Variants in AR observed in about 807,000 individuals in gnomAD.
AR encodes dihydrotestosterone receptor.
AR carries 8 observed loss-of-function variants against 53.9 expected under a neutral mutation model. That is an observed-to-expected ratio of 0.15 (90% CI 0.09 to 0.27). The LOEUF is 0.27. AR is among the 10% of genes least tolerant of loss of function. The pLI is 1.00. For missense variants in AR, 639 were observed against 742.5 expected (o/e 0.86, Z 1.62); for synonymous variants, 359 against 316.4 (o/e 1.13, Z -1.43).
chrX:67,544,420 G>C lies in AR; in HGVS notation c.-727G>C, dbSNP rs1212628242. 4 of 125,011 alleles carry C rather than the reference G, an allele frequency of 3.2e-5. No individual in the cohort carries two copies. The highest frequency in any genetic ancestry group is 5.7e-5 in the Non-Finnish European group (4 of 70,269). The allele number at this position is 125,011 out of a possible 1,213,427, so 10.3% of individuals were successfully genotyped here. On this transcript the variant is annotated 5_prime_UTR_variant, in exon 1 of 8. Coordinates refer to ENST00000374690, the MANE Select transcript of AR (RefSeq NM_000044.6). Reference sequence around the variant, plus strand: ...CAGCTGCCTCAGTCGGCTACTCTCAGCCAACCCCCCTCACCACCCTTCTCC... The same window carrying C: ...CAGCTGCCTCAGTCGGCTACTCTCACCCAACCCCCCTCACCACCCTTCTCC...
chrX:67,709,813 T>C (rs1399089232), intron 3 of AR, among the ~76,000 whole-genome samples: 1 of 112,197 alleles, frequency 8.9e-6, no homozygotes, highest in East Asian at 2.8e-4. Flanking sequence ...CAACTATGTG[T>C]ATTCAATGGG....
chrX:67,699,050 A>C (rs370387322), intron 3 of AR, among the ~76,000 whole-genome samples: 2 of 111,993 alleles, frequency 1.8e-5, no homozygotes, highest in East Asian at 2.8e-4. Context: ...ATTTGAACGC[A>C]AGACTGTTGG....
At chrX:67,608,347 C>A (rs961730850) in intron 1 of AR, among the ~76,000 whole-genome samples, 2 of 111,991 alleles carry the variant, frequency 1.8e-5, no homozygotes, top group African/African-American at 6.5e-5. Flanking sequence ...AAGTATGTTC[C>A]TAGCTACTTA....
chrX:67,691,388 G>T (rs1325993802), intron 3 of AR, among the ~76,000 whole-genome samples: 1 of 111,954 alleles, frequency 8.9e-6, no homozygotes, highest in African/African-American at 3.2e-5. Context: ...TGAAAAATAT[G>T]ATTTCTATTG....
rs1257667998 is a variant in AR, at chrX:67,690,147, CAG to C, written c.1885+4025_1885+4026del. On this transcript the variant is annotated intron_variant, in intron 3 of 7. Transcript: ENST00000374690. ...AAACCCCAGAAGAAGAGAAGGAACACAGAGACCTAGACCATGTGAGAACCTGA... is the reference window on the plus strand; with the variant it reads ...AAACCCCAGAAGAAGAGAAGGAACACAGACCTAGACCATGTGAGAACCTGA... Among the ~76,000 whole-genome samples, 6 of 112,192 alleles carry C rather than the reference CAG, an allele frequency of 5.3e-5. No homozygotes were observed. The South Asian group carries it at 1.9e-3, about 35-fold the overall frequency.
rs1602145396 is a variant in AR, at chrX:67,546,584, C to T, written c.1438C>T (p.Pro480Ser). Residue 480 changes from proline (P) to serine (S), a missense_variant, in exon 1 of 8, where the codon CCC (proline) becomes TCC (serine). By Grantham distance (74) the Pro-to-Ser change is moderately conservative (BLOSUM62 -1). Coordinates refer to ENST00000374690, the MANE Select transcript of AR (RefSeq NM_000044.6). Reference protein sequence around the residue: ...GGGGEAGAVAPYGYTRPPQGL... With the variant: ...GGGGEAGAVASYGYTRPPQGL... ...CGGCGGCGAGGCGGGAGCTGTAGCCCCCTACGGCTACACTCGGCCCCCTCA... is the reference window on the plus strand; with the variant it reads ...CGGCGGCGAGGCGGGAGCTGTAGCCTCCTACGGCTACACTCGGCCCCCTCA... The T allele has an allele frequency of 8.6e-7, 1 of 1,159,130 alleles. No homozygotes were observed.
intron 2 of AR, among the ~76,000 whole-genome samples, chrX:67,659,029 CT>C (rs1926729562): frequency 9.0e-6 from 1 of 110,621 alleles, no homozygotes; most frequent in African/African-American, 3.3e-5. Context: ...ATCAGATTTT[CT>C]TTTTTAGGTA....
At chrX:67,632,751 A>G (rs780663676) in intron 1 of AR, among the ~76,000 whole-genome samples, 1 of 112,594 alleles carries the variant, frequency 8.9e-6, no homozygotes, top group Admixed American at 9.4e-5. Context: ...TCTCACCCAC[A>G]GAATGAGAGA....
chrX:67,667,690 C>T (rs957998793), intron 2 of AR, among the ~76,000 whole-genome samples: 5 of 111,273 alleles, frequency 4.5e-5, no homozygotes, highest in Non-Finnish European at 7.6e-5. Context: ...TTGAAATCCA[C>T]GAACATGGAA....
intron 1 of AR, among the ~76,000 whole-genome samples, chrX:67,639,510 A>C (rs753526246): frequency 1.3e-4 from 14 of 110,881 alleles, no homozygotes; most frequent in Non-Finnish European, 2.1e-4. Context: ...GTGGTTTGTA[A>C]TTCTCCTTGA....
intron 4 of AR, among the ~76,000 whole-genome samples, chrX:67,712,233 A>G (rs768337537): frequency 4.6e-4 from 51 of 111,939 alleles, no homozygotes; most frequent in African/African-American, 1.6e-3. Flanking sequence ...CTGGGTCTCA[A>G]TTTCTCTATC....
intron 5 of AR, among the ~76,000 whole-genome samples, 187 bp from the exon 6 acceptor site, chrX:67,721,642 CAGAG>C (rs1172562507): frequency 3.6e-5 from 4 of 111,138 alleles, no homozygotes; most frequent in South Asian, 3.8e-4. Context: ...TTTTGGAAAA[CAGAG>C]AGAGAAAAAA....
rs796083944 is a variant in AR, at chrX:67,629,269, G to C, written c.1617-13987G>C. Among the ~76,000 whole-genome samples the C allele has an allele frequency of 2.5e-4, 27 of 107,618 alleles. No individual in the cohort carries two copies. In the South Asian group the frequency reaches 0.012, roughly 47 times the overall value. The allele number at this position is 107,618 out of a possible 115,157, so 93.5% of individuals were successfully genotyped here. ...TCGGCTGTGAATCCATCTGGTCCTG[G>C]ACTCTTTTTGGTTGGTAAGCTATTG... On this transcript the variant is annotated intron_variant, in intron 1 of 7. Transcript: ENST00000374690.
chrX:67,584,971 G>A (rs890061184), intron 1 of AR, among the ~76,000 whole-genome samples: 2 of 111,549 alleles, frequency 1.8e-5, no homozygotes, highest in Non-Finnish European at 3.8e-5. Context: ...AAGAGTTGAT[G>A]GCGGCCAGGC....
chrX:67,629,184 A>G (rs1161138493), intron 1 of AR, among the ~76,000 whole-genome samples: 2 of 108,879 alleles, frequency 1.8e-5, no homozygotes, highest in Admixed American at 9.8e-5. Context: ...CTCTTTTTCT[A>G]TTGATTGGAA....
intron 1 of AR, among the ~76,000 whole-genome samples, chrX:67,561,579 A>G (rs1921306568): frequency 8.9e-6 from 1 of 112,157 alleles, no homozygotes; most frequent in Admixed American, 9.4e-5. Flanking sequence ...TTAGTTAAGG[A>G]ACATGAATAT....
rs1555999011 is a variant in AR at position 67,728,615 on chromosome X, A to ATATG, written c.*4774_*4775insTATG. ...TATATATATATATATATATATATAT[A>ATATG]GTGTGTGTGTGTGTTCTGATAGCTT... On this transcript the variant is annotated 3_prime_UTR_variant, in exon 8 of 8. Coordinates refer to ENST00000374690, the MANE Select transcript of AR (RefSeq NM_000044.6). 3.1e-4 allele frequency: 29 copies of ATATG among 92,875 alleles called. No homozygotes were observed. The highest frequency in any genetic ancestry group is 1.0e-3 in the African/African-American group (24 of 23,331). The allele number at this position is 92,875 out of a possible 1,213,427, so 7.7% of individuals were successfully genotyped here. A position where few individuals can be genotyped will look rare whatever the true frequency, so the allele number is the denominator to read the frequency against.
chrX:67,661,362 G>C (rs753269611), intron 2 of AR, among the ~76,000 whole-genome samples: 2 of 111,114 alleles, frequency 1.8e-5, no homozygotes, highest in South Asian at 3.8e-4. Flanking sequence ...GTCATAGATA[G>C]CTCTTATTAT....
At chrX:67,712,068 TTGAC>T (rs2076096130) in intron 4 of AR, among the ~76,000 whole-genome samples, 1 of 112,062 alleles carries the variant, frequency 8.9e-6, no homozygotes, top group Non-Finnish European at 1.9e-5. Context: ...AATCTCTAGT[TTGAC>T]TGACATTCTG....
Sources: allele counts gnomAD v4.1 joint callset (sites outside exome capture counted in the v4.1 genomes callset), GRCh38; gene constraint gnomAD v4.1.1; transcripts MANE v1.5; gene names NCBI Gene and HGNC (gene_info 2026-07-23, HGNC 2026-07-21).